The following ADAMTS17 variants were observed in gnomAD, a reference collection of about 807,000 sequenced individuals.
The protein encoded by ADAMTS17 is A disintegrin and metalloproteinase with thrombospondin motifs 17.
In ADAMTS17, 113 loss-of-function variants were observed where a neutral mutation model predicts 141.5. The ratio of observed to expected loss-of-function variants is 0.80; its 90% CI spans 0.69 to 0.93. ADAMTS17 has a LOEUF of 0.93. Among genes scored for constraint, ADAMTS17 ranks in the 40% least tolerant of loss-of-function variants. The pLI, the probability that ADAMTS17 is intolerant of heterozygous loss-of-function variation, is 0.00. For synonymous variants in ADAMTS17, 768 were observed against 630.6 expected (o/e 1.22, Z -3.27); for missense variants, 1,659 against 1,517.9 (o/e 1.09, Z -1.54).
intron 7 of ADAMTS17, among the ~76,000 whole-genome samples, chr15:100,214,147 G>A (rs566577671): frequency 1.1e-4 from 16 of 152,256 alleles, no homozygotes; most frequent in African/African-American, 3.9e-4. Flanking sequence ...TAGCTCCCAT[G>A]TGGAAGAGTC....
intron 4 of ADAMTS17, among the ~76,000 whole-genome samples, chr15:100,270,825 T>C (rs2142032132): frequency 1.2e-5 from 1 of 85,946 alleles, no homozygotes. Context: ...ATATTCACAC[T>C]GTTATACACT....
chr15:100,116,132 T>TAAAAAAAAA lies in ADAMTS17; in HGVS notation c.1888+706_1888+714dup, dbSNP rs34003703. 5.3e-3 allele frequency among the ~76,000 whole-genome samples: 445 copies of TAAAAAAAAA among 84,708 alleles called. 12 individuals are homozygous for TAAAAAAAAA. The highest frequency in any genetic ancestry group is 0.031 in the East Asian group (80 of 2,598). The allele number at this position is 84,708 out of a possible 152,430, so 55.6% of individuals were successfully genotyped here. A position where few individuals can be genotyped will look rare whatever the true frequency, so the allele number is the denominator to read the frequency against. On this transcript the variant is annotated intron_variant, in intron 13 of 21. Coordinates refer to ENST00000268070, the MANE Select transcript of ADAMTS17 (RefSeq NM_139057.4). ...TTTCCTAAAGAAGAACAGTTTTAGG[T>TAAAAAAAAA]AAAAAAAAAAAAAAAAAAAAAAAAA...
At chr15:100,161,888 G>A (rs1470680506) in intron 8 of ADAMTS17, among the ~76,000 whole-genome samples, 2 of 152,190 alleles carry the variant, frequency 1.3e-5, no homozygotes, top group South Asian at 4.1e-4. Flanking sequence ...CTGCGGAGAA[G>A]GTATTTGTTT....
intron 15 of ADAMTS17, 35 bp downstream of exon 15, chr15:100,096,321 C>T: frequency 1.2e-6 from 2 of 1,611,300 alleles, no homozygotes; most frequent in Non-Finnish European, 1.7e-6. Context: ...ACACAAAACA[C>T]TGTAGCCACA....
intron 15 of ADAMTS17, among the ~76,000 whole-genome samples, chr15:100,060,190 C>T (rs1194969051): frequency 2.6e-5 from 4 of 152,200 alleles, no homozygotes; most frequent in Admixed American, 1.3e-4. Context: ...TTCGCCTGGG[C>T]CAGAGATTGG....
At chr15:100,030,532 C>T (rs773190789) in intron 18 of ADAMTS17, among the ~76,000 whole-genome samples, 4 of 152,136 alleles carry the variant, frequency 2.6e-5, no homozygotes, top group African/African-American at 4.8e-5. Flanking sequence ...TCTAGTCACG[C>T]GCTGAGCCTG....
Position 100,183,309 on chromosome 15 carries a change from A to T in ADAMTS17, c.1181+16009T>A, listed in dbSNP as rs533502335. Among the ~76,000 whole-genome samples, 4 of 152,144 alleles carry T rather than the reference A, an allele frequency of 2.6e-5. No individual in the cohort carries two copies. The East Asian group carries it at 7.7e-4, about 29-fold the overall frequency. ...CTTCTGGGATTCCTGATACAAGCTT[A>T]TATCTTCCACAGATCCCTAAGGCCC... On this transcript the variant is annotated intron_variant, in intron 8 of 21. Transcript: ENST00000268070.
At chr15:100,270,783 A>AT (rs1421592686) in intron 4 of ADAMTS17, among the ~76,000 whole-genome samples, 1 of 145,362 alleles carries the variant, frequency 6.9e-6, no homozygotes, top group Non-Finnish European at 1.5e-5. Context: ...CATTTTAAAC[A>AT]TTTTTAAGCT....
intron 8 of ADAMTS17, among the ~76,000 whole-genome samples, chr15:100,178,101 G>A (rs1302329237): frequency 1.3e-5 from 2 of 152,042 alleles, no homozygotes; most frequent in Non-Finnish European, 2.9e-5. Context: ...AGATAGTTAG[G>A]TCACATTTTT....
chr15:100,081,583 T>C (rs2034739426), intron 15 of ADAMTS17, among the ~76,000 whole-genome samples: 1 of 152,246 alleles, frequency 6.6e-6, no homozygotes. Flanking sequence ...TGTCTTCTTA[T>C]GCATAGATAT....
At chr15:100,331,119 C>G (rs1487261800) in intron 2 of ADAMTS17, 65 bp from the exon 3 acceptor site, 2 of 1,599,742 alleles carry the variant, frequency 1.3e-6, no homozygotes, top group African/African-American at 1.3e-5. Context: ...CATGGCCCCC[C>G]GGAGGGGCAG....
At chr15:100,168,025 C>G (rs2040016907) in intron 8 of ADAMTS17, among the ~76,000 whole-genome samples, 1 of 152,204 alleles carries the variant, frequency 6.6e-6, no homozygotes, top group African/African-American at 2.4e-5. Flanking sequence ...ACCTCCCACT[C>G]TAAACACCGC....
chr15:100,200,539 C>T lies in ADAMTS17; in HGVS notation c.1076-1116G>A, dbSNP rs2041288646. Among the ~76,000 whole-genome samples the T allele has an allele frequency of 1.3e-5, 2 of 152,166 alleles. 1 individual carries two copies. Among genetic ancestry groups the T allele is most frequent in the Non-Finnish European group, 2.9e-5 (2 of 68,014 alleles). On this transcript the variant is annotated intron_variant, in intron 7 of 21. Coordinates refer to ENST00000268070, the MANE Select transcript of ADAMTS17 (RefSeq NM_139057.4). ...CAGGGCTCGCTAGGAAACCTGACATCCGCCCTCCCGTGGGCGTTTAACCCC... is the reference window on the plus strand; with the variant it reads ...CAGGGCTCGCTAGGAAACCTGACATTCGCCCTCCCGTGGGCGTTTAACCCC...
chr15:99,984,934 G>A (rs2060554739), intron 20 of ADAMTS17, among the ~76,000 whole-genome samples: 2 of 152,256 alleles, frequency 1.3e-5, no homozygotes, highest in African/African-American at 4.8e-5. Context: ...CTGAGCAAAT[G>A]GAGGGACGGC....
chr15:100,303,831 T>G (rs1174068893), intron 3 of ADAMTS17, among the ~76,000 whole-genome samples: 1 of 152,226 alleles, frequency 6.6e-6, no homozygotes, highest in African/African-American at 2.4e-5. Flanking sequence ...CAAGCGATTC[T>G]TCTGCCTCAA....
intron 18 of ADAMTS17, among the ~76,000 whole-genome samples, chr15:100,009,588 C>G (rs1017374727): frequency 6.6e-6 from 1 of 152,070 alleles, no homozygotes; most frequent in African/African-American, 2.4e-5. Flanking sequence ...CTCAGGTGAC[C>G]TCTACCGAGC....
intron 14 of ADAMTS17, among the ~76,000 whole-genome samples, chr15:100,100,535 TGACA>T (rs1262638955): frequency 6.6e-6 from 1 of 152,202 alleles, no homozygotes; most frequent in African/African-American, 2.4e-5. Flanking sequence ...GTCTTGGAAC[TGACA>T]GACAGGCATC....
intron 16 of ADAMTS17, among the ~76,000 whole-genome samples, chr15:100,052,592 G>T (rs956917466): frequency 6.6e-6 from 1 of 152,184 alleles, no homozygotes; most frequent in African/African-American, 2.4e-5. Flanking sequence ...GTTTGCTAGA[G>T]AAAGCAAATT....
At chr15:100,088,393 T>C (rs1029899636) in intron 15 of ADAMTS17, among the ~76,000 whole-genome samples, 43 of 152,214 alleles carry the variant, frequency 2.8e-4, no homozygotes, top group African/African-American at 8.2e-4. Flanking sequence ...GAATCAATAT[T>C]GTGAAAATGG....
Sources: allele counts gnomAD v4.1 joint callset (sites outside exome capture counted in the v4.1 genomes callset), GRCh38; gene constraint gnomAD v4.1.1; transcripts MANE v1.5; gene names NCBI Gene and HGNC (gene_info 2026-07-23, HGNC 2026-07-21).